IFTAP: variants seen among roughly 807,000 people sequenced by gnomAD.
IFTAP encodes intraflagellar transport-associated protein.
A neutral mutation model predicts 19.4 loss-of-function variants in IFTAP; 19 were observed. That is an observed-to-expected ratio of 0.98 (90% confidence interval 0.68 to 1.44). The LOEUF is 1.44. IFTAP is among the 40% of genes most tolerant of loss of function. IFTAP has a pLI of 0.00. For missense variants in IFTAP, 240 were observed against 253.6 expected (o/e 0.95, Z 0.36); for synonymous variants, 85 against 83.5 (o/e 1.02, Z -0.10).
chr11:36,628,512 A>T lies in IFTAP; in HGVS notation c.137-4772A>T, dbSNP rs117874519. Among the ~76,000 whole-genome samples, 17 of 151,308 alleles carry T rather than the reference A, an allele frequency of 1.1e-4. No individual in the cohort carries two copies. In the East Asian group the frequency reaches 1.7e-3, roughly 15 times the overall value. Reference sequence around the variant, plus strand: ...GGTGCCTTCTCTTTTGGTGGTTTGCATGTATGGCTTAACTTCCTAGTTTGT... The same window carrying T: ...GGTGCCTTCTCTTTTGGTGGTTTGCTTGTATGGCTTAACTTCCTAGTTTGT... On this transcript the variant is annotated intron_variant, in intron 2 of 5. Transcript: ENST00000334307.
chr11:36,616,437 T>A (rs1046287077), intron 2 of IFTAP, among the ~76,000 whole-genome samples: 3 of 151,950 alleles, frequency 2.0e-5, no homozygotes, highest in Non-Finnish European at 2.9e-5. Context: ...TTTCTCTTCA[T>A]ACTTGTTAAT....
In IFTAP at chr11:36,605,289, C is replaced by CT. The variant is rs112140106; in HGVS notation, c.-23-4781dup. Among the ~76,000 whole-genome samples, 332 of 138,612 alleles carry CT rather than the reference C, an allele frequency of 2.4e-3. 1 individual carries two copies. Among genetic ancestry groups the CT allele is most frequent in the African/African-American group, 4.8e-3 (179 of 37,206 alleles). The allele number at this position is 138,612 out of a possible 152,430, so 90.9% of individuals were successfully genotyped here. ...TAACCACCTCCCCCCTGCCCCCCCA[C>CT]TTTTTTTTTTTGCAGACATATAACC... is the stretch of plus-strand genomic sequence containing the variant. On this transcript the variant is annotated intron_variant, in intron 1 of 5. Transcript: ENST00000334307.
intron 2 of IFTAP, among the ~76,000 whole-genome samples, chr11:36,620,821 C>G (rs1253664146): frequency 6.6e-6 from 1 of 151,664 alleles, no homozygotes; most frequent in Non-Finnish European, 1.5e-5. Context: ...ATTTTTCATA[C>G]ACATAAAAGA....
At chr11:36,613,523 T>C (rs935059046) in intron 2 of IFTAP, among the ~76,000 whole-genome samples, 5 of 151,938 alleles carry the variant, frequency 3.3e-5, no homozygotes, top group African/African-American at 1.2e-4. Context: ...GTGGTAGAGA[T>C]AAATAAGCAA....
chr11:36,654,423 T>C (rs1240312718), intron 5 of IFTAP, among the ~76,000 whole-genome samples: 1 of 152,100 alleles, frequency 6.6e-6, no homozygotes, highest in Non-Finnish European at 1.5e-5. Flanking sequence ...ATGTGCCATG[T>C]TGGTGTGCTG....
At chr11:36,655,433 T>C (rs1388249983) in intron 5 of IFTAP, among the ~76,000 whole-genome samples, 1 of 152,228 alleles carries the variant, frequency 6.6e-6, no homozygotes, top group Non-Finnish European at 1.5e-5. Flanking sequence ...CATTTTACTC[T>C]AATGATTTGT....
At chr11:36,598,778 G>C (rs1345672665) in intron 1 of IFTAP, among the ~76,000 whole-genome samples, 1 of 152,270 alleles carries the variant, frequency 6.6e-6, no homozygotes, top group South Asian at 2.1e-4. Flanking sequence ...TCAGGTAGTA[G>C]AGTCATCTTA....
intron 2 of IFTAP, among the ~76,000 whole-genome samples, chr11:36,623,366 A>G (rs1008403465): frequency 1.4e-5 from 2 of 140,828 alleles, no homozygotes; most frequent in African/African-American, 5.2e-5. Flanking sequence ...TCCCCCCCCC[A>G]CTCAAAGCAT....
intron 5 of IFTAP, among the ~76,000 whole-genome samples, chr11:36,656,971 C>T (rs1854019231): frequency 6.6e-6 from 1 of 151,862 alleles, no homozygotes; most frequent in Non-Finnish European, 1.5e-5. Context: ...GTGAGGATGG[C>T]TAGTAAGGTG....
chr11:36,642,022 TA>T (rs1316172984), intron 4 of IFTAP, among the ~76,000 whole-genome samples: 1 of 152,170 alleles, frequency 6.6e-6, no homozygotes, highest in Non-Finnish European at 1.5e-5. Flanking sequence ...CCTTTACCAT[TA>T]TGTAATGGCC....
intron 2 of IFTAP, among the ~76,000 whole-genome samples, chr11:36,611,562 G>A (rs932246635): frequency 6.6e-6 from 1 of 152,032 alleles, no homozygotes; most frequent in Non-Finnish European, 1.5e-5. Flanking sequence ...TAGTTATAAT[G>A]TATAAATGTA....
intron 1 of IFTAP, among the ~76,000 whole-genome samples, chr11:36,603,922 CAA>C (rs562737848): frequency 2.3e-4 from 26 of 113,752 alleles, no homozygotes; most frequent in African/African-American, 4.7e-4. Context: ...AACTCAGTCT[CAA>C]AAAAAAAAAA....
intron 2 of IFTAP, among the ~76,000 whole-genome samples, chr11:36,620,462 G>T (rs1387997139): frequency 6.6e-6 from 1 of 151,956 alleles, no homozygotes; most frequent in Non-Finnish European, 1.5e-5. Flanking sequence ...CACAAAAATT[G>T]CTGGTTCAAT....
At chr11:36,608,959 T>C (rs1851785556) in intron 1 of IFTAP, among the ~76,000 whole-genome samples, 1 of 152,186 alleles carries the variant, frequency 6.6e-6, no homozygotes, top group African/African-American at 2.4e-5. Flanking sequence ...AAATGAGTAA[T>C]GTTAGCTTAA....
At chr11:36,606,358 G>A (rs1423204721) in intron 1 of IFTAP, among the ~76,000 whole-genome samples, 2 of 152,202 alleles carry the variant, frequency 1.3e-5, no homozygotes, top group East Asian at 3.9e-4. Context: ...AGCTACTCGG[G>A]AGGCTGAGGC....
intron 2 of IFTAP, among the ~76,000 whole-genome samples, chr11:36,614,979 C>G: frequency 6.9e-6 from 1 of 143,898 alleles, no homozygotes; most frequent in Non-Finnish European, 1.5e-5. Flanking sequence ...GTGTTTCAGA[C>G]ATGAAGTCCT....
chr11:36,614,645 T>G lies in IFTAP; in HGVS notation c.136+4406T>G, dbSNP rs1295173915. Among the ~76,000 whole-genome samples, 156 of 148,194 alleles carry G rather than the reference T, an allele frequency of 1.1e-3. 7 individuals carry two copies. Among genetic ancestry groups the G allele is most frequent in the Non-Finnish European group, 9.5e-4 (64 of 67,174 alleles). On this transcript the variant is annotated intron_variant, in intron 2 of 5. Coordinates refer to ENST00000334307, the MANE Select transcript of IFTAP (RefSeq NM_138787.4). ...GTGAGATGGTATCTCCTTGTGGTTT[T>G]GATTTACATTTCTCTGATGGCCAGT...
intron 2 of IFTAP, among the ~76,000 whole-genome samples, chr11:36,623,024 C>T (rs1852366076): frequency 6.6e-6 from 1 of 152,046 alleles, no homozygotes; most frequent in South Asian, 2.1e-4. Flanking sequence ...CATGCTTTGA[C>T]CAAAGATGAA....
At chr11:36,621,346 C>T (rs1014357771) in intron 2 of IFTAP, among the ~76,000 whole-genome samples, 2 of 151,920 alleles carry the variant, frequency 1.3e-5, no homozygotes, top group Non-Finnish European at 2.9e-5. Context: ...TTATTTTAAC[C>T]AAACTCTTAT....
Sources: gnomAD v4.1 joint callset for allele counts (sites outside exome capture counted in the v4.1 genomes callset) on GRCh38, gnomAD v4.1.1 for gene constraint, MANE v1.5 for transcripts, NCBI Gene and HGNC (gene_info 2026-07-23, HGNC 2026-07-21) for gene names.